RPS19: variants seen among roughly 807,000 people sequenced by gnomAD.
RPS19 encodes ribosomal protein S19.
In RPS19, 1 loss-of-function variant was observed where a neutral mutation model predicts 20.3. The ratio of observed to expected loss-of-function variants is 0.05; its 90% CI spans 0.02 to 0.23. The LOEUF (loss-of-function observed/expected upper bound fraction) is 0.23. RPS19 is among the 10% of genes least tolerant of loss of function. The probability of loss-of-function intolerance (pLI) is 1.00; values close to 1 mark genes in which losing one functional copy is unlikely to be tolerated. For missense variants in RPS19, 111 were observed against 192.7 expected (o/e 0.58, Z 2.51); for synonymous variants, 87 against 74.8 (o/e 1.16, Z -0.84).
At chr19:41,870,155 T>C (rs1294858107) in intron 5 of RPS19, among the ~76,000 whole-genome samples, 1 of 151,590 alleles carries the variant, frequency 6.6e-6, no homozygotes, top group East Asian at 1.9e-4. Context: ...GGCACAAAAA[T>C]CACTTGAACC....
At position 41,860,701 on chromosome 19, in the gene RPS19, A is replaced by T. The variant is rs144161959; in HGVS notation, c.1-74A>T. 1,413 of 1,092,430 alleles carry T rather than the reference A, an allele frequency of 1.3e-3. 12 individuals carry two copies. Among genetic ancestry groups the T allele is most frequent in the Non-Finnish European group, 1.4e-4 (99 of 704,184 alleles). 67.7% of individuals were successfully genotyped at this position (1,092,430 alleles called of 1,614,324 possible). A position where few individuals can be genotyped will look rare whatever the true frequency, so the allele number is the denominator to read the frequency against. The stretch of plus-strand genomic sequence containing the variant: ...GTTTAGGATGCGCTGGAGCGAAAGG[A>T]TTGGGGTGGGGTCCGTGCTCTTGGC... On this transcript the variant is annotated intron_variant, in intron 1 of 5. Coordinates refer to ENST00000598742, the MANE Select transcript of RPS19 (RefSeq NM_001022.4).
At chr19:41,871,062 C>T (rs1323381202) in intron 5 of RPS19, among the ~76,000 whole-genome samples, 1 of 151,752 alleles carries the variant, frequency 6.6e-6, no homozygotes, top group Non-Finnish European at 1.5e-5. Flanking sequence ...AGGGTTTCAC[C>T]ATATTGGTCA....
At chr19:41,867,998 C>A (rs1381350508) in intron 3 of RPS19, among the ~76,000 whole-genome samples, 1 of 152,160 alleles carries the variant, frequency 6.6e-6, no homozygotes, top group African/African-American at 2.4e-5. Context: ...AGAACTGTTT[C>A]TGGGCAGAAG....
intron 3 of RPS19, 58 bp from the exon 4 acceptor site, chr19:41,868,973 A>G (rs2074116426): frequency 1.3e-6 from 2 of 1,531,550 alleles, no homozygotes; most frequent in Admixed American, 3.3e-5. Flanking sequence ...CACACAAGGA[A>G]TTGTTTACCT....
At chr19:41,867,767 A>G (rs955644524) in intron 3 of RPS19, among the ~76,000 whole-genome samples, 10 of 151,550 alleles carry the variant, frequency 6.6e-5, no homozygotes, top group Non-Finnish European at 1.2e-4. Context: ...ATCACACCAC[A>G]GCACCCCAGC....
At position 41,869,772 on chromosome 19, in the gene RPS19, G is replaced by A; in HGVS notation, c.411+19G>A. 1 of 1,613,186 alleles carries A rather than the reference G, an allele frequency of 6.2e-7. No homozygotes were observed. On this transcript the variant is annotated intron_variant, in intron 5 of 5. Coordinates refer to ENST00000598742, the MANE Select transcript of RPS19 (RefSeq NM_001022.4). ...CGGACAGGTAAGGCCTGCGTTTGGG[G>A]TGGGGCTGGGTCCCTTAGTCGCTGC...
At chr19:41,861,721 T>A (rs1351876548) in intron 3 of RPS19, 2 of 192,734 alleles carry the variant, frequency 1.0e-5, no homozygotes, top group Non-Finnish European at 2.2e-5. Context: ...TTGTCTTTAC[T>A]ATTGCTCAGA....
At chr19:41,867,576 T>C (rs781906968) in intron 3 of RPS19, among the ~76,000 whole-genome samples, 4 of 152,194 alleles carry the variant, frequency 2.6e-5, no homozygotes, top group Admixed American at 6.5e-5. Flanking sequence ...CCTCCCAAAG[T>C]GGTGGGATTA....
At chr19:41,870,700 T>C (rs148722605) in intron 5 of RPS19, among the ~76,000 whole-genome samples, 266 of 152,040 alleles carry the variant, frequency 1.7e-3, no homozygotes, top group African/African-American at 6.1e-3. Context: ...ATGGAAAGTG[T>C]CAGCCCTCTA....
At chr19:41,862,246 C>G (rs1443545553) in intron 3 of RPS19, among the ~76,000 whole-genome samples, 1 of 152,202 alleles carries the variant, frequency 6.6e-6, no homozygotes, top group African/African-American at 2.4e-5. Context: ...TTGTGGTACA[C>G]TTGTGCCTCA....
Position 41,861,221 on chromosome 19 carries a change from C to T in RPS19, c.172+9C>T, listed in dbSNP as rs1555839196. 1 of 1,608,138 alleles carries T rather than the reference C, an allele frequency of 6.2e-7. No homozygotes were observed. Among genetic ancestry groups the T allele is most frequent in the Non-Finnish European group, 8.5e-7 (1 of 1,174,596 alleles). ...GTTCTACACGCGAGCTGGTGAGGAA[C>T]TTAGGTCTTTGGCTGGAGAGTGGGG... is the stretch of plus-strand genomic sequence containing the variant. On this transcript the variant is annotated intron_variant, in intron 3 of 5. Transcript: ENST00000598742.
At chr19:41,864,964 C>T (rs1555840118) in intron 3 of RPS19, 1 of 152,192 alleles carries the variant, frequency 6.6e-6, no homozygotes, top group African/African-American at 2.4e-5. Flanking sequence ...AAGTTAATAA[C>T]CCTTCCTCTC....
intron 3 of RPS19, among the ~76,000 whole-genome samples, chr19:41,861,964 C>G (rs998462934): frequency 6.6e-6 from 1 of 152,176 alleles, no homozygotes; most frequent in South Asian, 2.1e-4. Flanking sequence ...TCTTCACTTT[C>G]AGGAAGATGT....
chr19:41,862,840 T>C (rs1555839573), intron 3 of RPS19, among the ~76,000 whole-genome samples: 2 of 152,142 alleles, frequency 1.3e-5, no homozygotes, highest in East Asian at 3.8e-4. Context: ...CCCAAAGGCC[T>C]CTTTTTCACC....
intron 3 of RPS19, 102 bp from the exon 4 acceptor site, chr19:41,868,929 C>G (rs1555841253): frequency 2.4e-5 from 29 of 1,228,280 alleles, no homozygotes; most frequent in Non-Finnish European, 2.3e-5. Flanking sequence ...TTTTCAGTTT[C>G]CCTTCTTATA....
At chr19:41,866,358 A>C (rs976786973) in intron 3 of RPS19, among the ~76,000 whole-genome samples, 4 of 152,246 alleles carry the variant, frequency 2.6e-5, no homozygotes, top group African/African-American at 9.6e-5. Flanking sequence ...GCCCCAGGGC[A>C]CAACCAGCTA....
intron 3 of RPS19, among the ~76,000 whole-genome samples, chr19:41,868,401 C>T (rs570579846): frequency 1.3e-5 from 2 of 152,158 alleles, no homozygotes. Context: ...GTGGAGAGAT[C>T]GAAAAGCATT....
intron 3 of RPS19, among the ~76,000 whole-genome samples, chr19:41,866,799 G>A (rs369737701): frequency 2.0e-5 from 3 of 149,034 alleles, no homozygotes; most frequent in South Asian, 2.1e-4. Context: ...GGTGGATTAC[G>A]AGGTCAGGAG....
In RPS19 at chr19:41,870,848, CCTTTTTTT is replaced by C. The variant is rs1467640153; in HGVS notation, c.412-502_412-495del. Among the ~76,000 whole-genome samples, 106 of 85,810 alleles carry C rather than the reference CCTTTTTTT, an allele frequency of 1.2e-3. 2 individuals are homozygous for C. The highest frequency in any genetic ancestry group is 4.6e-3 in the African/African-American group (103 of 22,594). The allele number at this position is 85,810 out of a possible 152,430, so 56.3% of individuals were successfully genotyped here. On this transcript the variant is annotated intron_variant, in intron 5 of 5. Transcript: ENST00000598742. ...TTGGACTCCACTCCGCCACTCCCTTCCTTTTTTTTTTTTTTTTTTTTTTTTTTTTTTTG... is the reference window on the plus strand; with the variant it reads ...TTGGACTCCACTCCGCCACTCCCTTCTTTTTTTTTTTTTTTTTTTTTTTTG...
Sources: gnomAD v4.1 joint callset for allele counts (sites outside exome capture counted in the v4.1 genomes callset) on GRCh38, gnomAD v4.1.1 for gene constraint, MANE v1.5 for transcripts, NCBI Gene and HGNC (gene_info 2026-07-23, HGNC 2026-07-21) for gene names.